GLS: variants seen among roughly 807,000 people sequenced by gnomAD.
GLS encodes the protein glutaminase kidney isoform, mitochondrial.
A neutral mutation model predicts 86.7 loss-of-function variants in GLS; 36 were observed. The ratio of observed to expected loss-of-function variants is 0.42; its 90% CI spans 0.32 to 0.55. GLS has a LOEUF of 0.55. Ranked by LOEUF, GLS falls within the 20% of genes least tolerant of loss-of-function variation. The pLI is 0.17. For synonymous variants in GLS, 317 were observed against 305.9 expected (o/e 1.04, Z -0.38); for missense variants, 528 against 833.4 (o/e 0.63, Z 4.51).
Position 190,931,568 on chromosome 2 carries a change from C to T in GLS, c.1581C>T (p.Phe527=). The T allele has an allele frequency of 6.4e-7, 1 of 1,568,884 alleles. No homozygotes were observed. The highest frequency in any genetic ancestry group is 1.1e-5 in the South Asian group (1 of 88,868). ...FCHDLVSLCN[F]HNYDNLRHFA... ...AGGATCTTGTTTCTCTGTGTAATTT[C>T]CATAACTATGATAATTTGAGACACT... The change falls in exon 14 of 18, where the codon TTC becomes TTT. Residue 527 remains phenylalanine (F), a synonymous_variant. Transcript: ENST00000320717.
Position 190,953,782 on chromosome 2 carries a change from A to G in GLS, c.1712+156A>G, listed in dbSNP as rs1312123140. On this transcript the variant is annotated intron_variant, in intron 15 of 17. Coordinates refer to ENST00000320717, the MANE Select transcript of GLS (RefSeq NM_014905.5). This position sits in a 1 kb window ranked among gnomAD's most constrained non-coding sequence, Gnocchi z 4.0. ...ATTAAATAGGCACTTCCAGTGCCTT[A>G]GGCCTGCTTTCCAATCTTGTCCTTT... 6.6e-6 allele frequency among the ~76,000 whole-genome samples: 1 copy of G among 152,224 alleles called. No individual in the cohort carries two copies. The highest frequency in any genetic ancestry group is 1.5e-5 in the Non-Finnish European group (1 of 68,030).
At chr2:190,925,105 A>G (rs1165714420) in intron 11 of GLS, among the ~76,000 whole-genome samples, 1 of 152,216 alleles carries the variant, frequency 6.6e-6, no homozygotes, top group Non-Finnish European at 1.5e-5. Flanking sequence ...CTGTAAACAT[A>G]TTTAAGAATT....
Position 190,913,387 on chromosome 2 carries a change from A to T in GLS, c.1038+3066A>T. The T allele has an allele frequency of 1.0e-6, 1 of 973,126 alleles. No homozygotes were observed. Among genetic ancestry groups the T allele is most frequent in the South Asian group, 2.5e-5 (1 of 40,194 alleles). 60.3% of individuals were successfully genotyped at this position (973,126 alleles called of 1,614,324 possible). A position where few individuals can be genotyped will look rare whatever the true frequency, so the allele number is the denominator to read the frequency against. On this transcript the variant is annotated intron_variant, in intron 7 of 17. Coordinates refer to ENST00000320717, the MANE Select transcript of GLS (RefSeq NM_014905.5). This position sits in a 1 kb window ranked among gnomAD's most constrained non-coding sequence, Gnocchi z 6.1. Reference sequence around the variant, plus strand: ...TAGGTAAATACCTTTTTAAAAACAAATGTAATTTTATACTTAAAATGCACA... The same window carrying T: ...TAGGTAAATACCTTTTTAAAAACAATTGTAATTTTATACTTAAAATGCACA...
intron 12 of GLS, among the ~76,000 whole-genome samples, chr2:190,928,378 A>C (rs1034751519): frequency 6.8e-6 from 1 of 146,548 alleles, no homozygotes; most frequent in African/African-American, 2.5e-5. Context: ...TTTGTTGCCC[A>C]GACTGGAGTG....
intron 1 of GLS, among the ~76,000 whole-genome samples, chr2:190,885,287 G>T (rs563586308): frequency 2.6e-5 from 4 of 151,970 alleles, no homozygotes; most frequent in African/African-American, 9.7e-5. Context: ...TGCCTCCCGG[G>T]TTCAAGCCAT....
At chr2:190,901,594 A>G (rs1360286966) in intron 4 of GLS, among the ~76,000 whole-genome samples, 2 of 152,040 alleles carry the variant, frequency 1.3e-5, no homozygotes, top group East Asian at 3.9e-4. Flanking sequence ...GTGAAACCCT[A>G]CTAGCACCCA....
At chr2:190,898,759 G>C (rs2108818) in intron 3 of GLS, among the ~76,000 whole-genome samples, 68,935 of 151,898 alleles carry the variant, frequency 0.45, 18,825 homozygotes, top group Non-Finnish European at 0.62. Context: ...AGCCTCCCGA[G>C]TAGCTGGGAT....
intron 17 of GLS, among the ~76,000 whole-genome samples, chr2:190,958,536 G>C (rs1481769136): frequency 6.6e-6 from 1 of 152,086 alleles, no homozygotes; most frequent in African/African-American, 2.4e-5. Context: ...GACCTTTCCT[G>C]CTTACTCTTG....
intron 14 of GLS, among the ~76,000 whole-genome samples, chr2:190,939,306 CT>C (rs1690360906): frequency 6.6e-6 from 1 of 151,340 alleles, no homozygotes; most frequent in South Asian, 2.1e-4. Flanking sequence ...AATATGTTAA[CT>C]TTTGAAAGGC....
chr2:190,954,451 G>C lies in GLS; in HGVS notation c.1713-133G>C, dbSNP rs926026846. 3 of 637,390 alleles carry C rather than the reference G, an allele frequency of 4.7e-6. No individual in the cohort carries two copies. Among genetic ancestry groups the C allele is most frequent in the Admixed American group, 5.8e-5 (2 of 34,620 alleles). The allele number at this position is 637,390 out of a possible 1,614,324, so 39.5% of individuals were successfully genotyped here. On this transcript the variant is annotated intron_variant, in intron 15 of 17. Transcript: ENST00000320717. This position sits in a 1 kb window ranked among gnomAD's most constrained non-coding sequence, Gnocchi z 4.0. ...CACCTGTGTACTGGTTAATAAGGTC[G>C]GTAGTTCCCATTAATGAGCTTGATG...
intron 1 of GLS, among the ~76,000 whole-genome samples, chr2:190,888,844 T>G (rs1295885726): frequency 6.6e-6 from 1 of 152,192 alleles, no homozygotes; most frequent in East Asian, 1.9e-4. Flanking sequence ...CCTCCTTCAC[T>G]CTTACCTTCT....
chr2:190,904,099 C>CTACT (rs1351319292), intron 5 of GLS, among the ~76,000 whole-genome samples: 1 of 151,522 alleles, frequency 6.6e-6, no homozygotes, highest in East Asian at 1.9e-4. Context: ...TGATGACTGC[C>CTACT]TACTGAACTT....
At chr2:190,900,884 G>A (rs1322117381) in intron 4 of GLS, among the ~76,000 whole-genome samples, 191 bp downstream of exon 4, 1 of 151,988 alleles carries the variant, frequency 6.6e-6, no homozygotes, top group Non-Finnish European at 1.5e-5. Context: ...TTGTTATTCT[G>A]GTTAAAGAGA....
At chr2:190,944,736 G>A (rs1461005865) in intron 14 of GLS, among the ~76,000 whole-genome samples, 1 of 151,988 alleles carries the variant, frequency 6.6e-6, no homozygotes, top group African/African-American at 2.4e-5. Context: ...TTTATTTGCT[G>A]CCAGTAGCGT....
At position 190,881,077 on chromosome 2, in the gene GLS, C is replaced by T. The variant is rs952827260; in HGVS notation, c.-8C>T. 3.2e-6 allele frequency: 5 copies of T among 1,553,036 alleles called. No homozygotes were observed. Among genetic ancestry groups the T allele is most frequent in the South Asian group, 2.3e-5 (2 of 85,116 alleles). ...CCCTGTTGAGCGGGCGCTGACGGAC[C>T]CGGCGGCATGATGCGGCTGCGAGGC... On this transcript the variant is annotated 5_prime_UTR_variant, in exon 1 of 18. Coordinates refer to ENST00000320717, the MANE Select transcript of GLS (RefSeq NM_014905.5).
intron 17 of GLS, among the ~76,000 whole-genome samples, chr2:190,959,980 A>G (rs1690960698): frequency 6.6e-6 from 1 of 152,224 alleles, no homozygotes; most frequent in African/African-American, 2.4e-5. Flanking sequence ...AAAGAAGGGC[A>G]TTCTATCTAT....
rs1689433198 is a variant in GLS, at chr2:190,913,772, G to A, written c.1038+3451G>A. 1 of 973,724 alleles carries A rather than the reference G, an allele frequency of 1.0e-6. No homozygotes were observed. Among genetic ancestry groups the A allele is most frequent in the African/African-American group, 1.8e-5 (1 of 57,090 alleles). The allele number at this position is 973,724 out of a possible 1,614,324, so 60.3% of individuals were successfully genotyped here. On this transcript the variant is annotated intron_variant, in intron 7 of 17. Coordinates refer to ENST00000320717, the MANE Select transcript of GLS (RefSeq NM_014905.5). The surrounding 1 kb of genome is among the most constrained non-coding windows in gnomAD (Gnocchi z 6.1). ...TGTTAGAAATAGTAAAAGTTACACT[G>A]TCTTCTATGTTTTTACCTCTCAGAG...
chr2:190,890,795 G>A (rs1485042057), intron 1 of GLS, among the ~76,000 whole-genome samples: 2 of 151,854 alleles, frequency 1.3e-5, no homozygotes, highest in African/African-American at 4.8e-5. Context: ...TTATTATTAG[G>A]CCTCATTTTT....
In GLS at chr2:190,935,019, A is replaced by G; in HGVS notation, c.1650+3382A>G. ...ACTATTATTGGGTTTGTTTTATGCC[A>G]TTATTGATTCTTGATATTCAAGCAT... On this transcript the variant is annotated intron_variant, in intron 14 of 17. Transcript: ENST00000320717. This position sits in a 1 kb window ranked among gnomAD's most constrained non-coding sequence, Gnocchi z 4.2. 2 of 952,660 alleles carry G rather than the reference A, an allele frequency of 2.1e-6. No individual in the cohort carries two copies. The highest frequency in any genetic ancestry group is 2.5e-6 in the Non-Finnish European group (2 of 800,314). 59.0% of individuals were successfully genotyped at this position (952,660 alleles called of 1,614,324 possible). A position where few individuals can be genotyped will look rare whatever the true frequency, so the allele number is the denominator to read the frequency against.
Sources: gnomAD v4.1 joint callset for allele counts (sites outside exome capture counted in the v4.1 genomes callset) on GRCh38, gnomAD v4.1.1 for gene constraint, Gnocchi (gnomAD v3.1) non-coding constraint, MANE v1.5 for transcripts, NCBI Gene and HGNC (gene_info 2026-07-23, HGNC 2026-07-21) for gene names.